Variants in HHAT observed in about 807,000 individuals in gnomAD.
The protein encoded by HHAT is hedgehog acyltransferase.
A neutral mutation model predicts 70.8 loss-of-function variants in HHAT; 47 were observed. That is an observed-to-expected ratio of 0.66 (90% CI 0.53 to 0.85). The LOEUF is 0.85. Among genes scored for constraint, HHAT ranks in the 40% least tolerant of loss-of-function variants. The probability of loss-of-function intolerance (pLI) is 0.00; values close to 1 mark genes in which losing one functional copy is unlikely to be tolerated. For synonymous variants in HHAT, 228 were observed against 247.6 expected, an observed-to-expected ratio of 0.92 and a Z score of 0.74; for missense variants, 609 against 604.8, an observed-to-expected ratio of 1.01 and a Z score of -0.07.
chr1:210,432,906 CCTCTGAT>C (rs1183269281), intron 7 of HHAT, among the ~76,000 whole-genome samples: 1 of 151,668 alleles, frequency 6.6e-6, no homozygotes, highest in African/African-American at 2.4e-5. Flanking sequence ...CTGGTGGCAG[CCTCTGAT>C]TTCCTTCTGA....
chr1:210,437,192 G>A (rs528894107), intron 7 of HHAT, among the ~76,000 whole-genome samples: 18 of 152,028 alleles, frequency 1.2e-4, no homozygotes, highest in African/African-American at 4.1e-4. Flanking sequence ...GGGAACCTTT[G>A]ATAGACTATT....
intron 8 of HHAT, among the ~76,000 whole-genome samples, chr1:210,512,054 A>G (rs555446171): frequency 6.6e-6 from 1 of 152,202 alleles, no homozygotes; most frequent in Admixed American, 6.5e-5. Flanking sequence ...TGTCGTTTAT[A>G]TGGACTGTAC....
intron 3 of HHAT, among the ~76,000 whole-genome samples, chr1:210,384,926 TC>T: frequency 6.6e-6 from 1 of 152,338 alleles, no homozygotes; most frequent in Non-Finnish European, 1.5e-5. Flanking sequence ...TTTGGTCATT[TC>T]CCTTAGGTAA....
At chr1:210,347,089 T>C (rs953134195) in intron 1 of HHAT, among the ~76,000 whole-genome samples, 4 of 152,218 alleles carry the variant, frequency 2.6e-5, no homozygotes, top group Non-Finnish European at 5.9e-5. Context: ...TATTGTTAAC[T>C]ATAATCACCA....
intron 1 of HHAT, among the ~76,000 whole-genome samples, chr1:210,340,242 G>GGGGAAAAA (rs1553313987): frequency 0.016 from 1,550 of 99,732 alleles, 101 homozygotes; most frequent in African/African-American, 0.05. Flanking sequence ...CTCTGTCTCA[G>GGGGAAAAA]AAAAAAAAAA....
intron 9 of HHAT, among the ~76,000 whole-genome samples, chr1:210,582,575 A>G (rs1267007531): frequency 6.6e-6 from 1 of 152,138 alleles, no homozygotes; most frequent in Non-Finnish European, 1.5e-5. Flanking sequence ...TACCACATGG[A>G]TTGTTACCAC....
intron 9 of HHAT, among the ~76,000 whole-genome samples, chr1:210,582,053 A>G (rs1659384984): frequency 6.6e-6 from 1 of 152,194 alleles, no homozygotes; most frequent in East Asian, 1.9e-4. Flanking sequence ...CAGTACACAC[A>G]GTAGGTTCCT....
At chr1:210,416,871 C>G (rs1445949408) in intron 6 of HHAT, among the ~76,000 whole-genome samples, 1 of 152,096 alleles carries the variant, frequency 6.6e-6, no homozygotes, top group Non-Finnish European at 1.5e-5. Context: ...ACTTCACATA[C>G]TTCATCATAT....
intron 7 of HHAT, among the ~76,000 whole-genome samples, chr1:210,440,939 A>G (rs1369847086): frequency 6.6e-6 from 1 of 152,242 alleles, no homozygotes; most frequent in Non-Finnish European, 1.5e-5. Context: ...AATAAGATTC[A>G]TTAAAAGGAA....
At chr1:210,352,853 T>C (rs2087178928) in intron 2 of HHAT, among the ~76,000 whole-genome samples, 1 of 152,144 alleles carries the variant, frequency 6.6e-6, no homozygotes, top group South Asian at 2.1e-4. Context: ...TGCTCTGCAG[T>C]ACTGTGGCTA....
Position 210,488,832 on chromosome 1 carries a change from G to T in HHAT, c.1007+24177G>T, listed in dbSNP as rs76581046. On this transcript the variant is annotated intron_variant, in intron 8 of 11. Transcript: ENST00000261458. The stretch of plus-strand genomic sequence containing the variant: ...CATTTGAGCCCCTGAGGCAGAGATC[G>T]CAGTGAGCCAACTGTGGCACTGCAC... Among the ~76,000 whole-genome samples, 285 of 152,242 alleles carry T rather than the reference G, an allele frequency of 1.9e-3. 1 individual carries two copies. The highest frequency in any genetic ancestry group is 6.8e-3 in the Middle Eastern group (2 of 294).
At chr1:210,365,722 T>C (rs2088883425) in intron 3 of HHAT, among the ~76,000 whole-genome samples, 1 of 151,494 alleles carries the variant, frequency 6.6e-6, no homozygotes, top group African/African-American at 2.4e-5. Flanking sequence ...TTCAAACAAT[T>C]CTCTTGCCTC....
chr1:210,522,516 C>T (rs989176288), intron 9 of HHAT, among the ~76,000 whole-genome samples: 3 of 152,226 alleles, frequency 2.0e-5, no homozygotes, highest in Non-Finnish European at 4.4e-5. Context: ...TCCCATGGGG[C>T]TGGGTCCCCC....
At chr1:210,645,185 T>C (rs1673772396) in intron 11 of HHAT, among the ~76,000 whole-genome samples, 1 of 152,148 alleles carries the variant, frequency 6.6e-6, no homozygotes, top group Non-Finnish European at 1.5e-5. Context: ...AGGCTTGCCG[T>C]CACACCTAGC....
chr1:210,448,877 G>T (rs1053596115), intron 7 of HHAT, among the ~76,000 whole-genome samples: 2 of 152,090 alleles, frequency 1.3e-5, no homozygotes, highest in African/African-American at 4.8e-5. Context: ...AGATGGAGCG[G>T]GGCTCAGTGC....
chr1:210,394,626 G>T (rs796154626), intron 4 of HHAT, among the ~76,000 whole-genome samples: 3 of 152,268 alleles, frequency 2.0e-5, no homozygotes, highest in African/African-American at 7.2e-5. Context: ...TTCTCACTGT[G>T]CCTCTGACGG....
At chr1:210,643,145 C>G (rs561089208) in intron 11 of HHAT, among the ~76,000 whole-genome samples, 7 of 152,306 alleles carry the variant, frequency 4.6e-5, no homozygotes, top group African/African-American at 1.7e-4. Flanking sequence ...TGTCATAAAT[C>G]AAATGTCCAT....
chr1:210,655,550 C>T (rs1676208141), intron 11 of HHAT, among the ~76,000 whole-genome samples: 1 of 152,220 alleles, frequency 6.6e-6, no homozygotes, highest in Non-Finnish European at 1.5e-5. Context: ...CCAGCCTGGG[C>T]TCGGAGCACC....
intron 11 of HHAT, chr1:210,630,960 C>A: frequency 2.3e-6 from 1 of 436,770 alleles, no homozygotes; most frequent in Non-Finnish European, 4.5e-6. Context: ...TCGAGGAATG[C>A]CTGAAGCCAA....
Sources: gnomAD v4.1 joint callset for allele counts (sites outside exome capture counted in the v4.1 genomes callset) on GRCh38, gnomAD v4.1.1 for gene constraint, MANE v1.5 for transcripts, NCBI Gene and HGNC (gene_info 2026-07-23, HGNC 2026-07-21) for gene names.